The following DYSF variants were observed in gnomAD, a reference collection of about 807,000 sequenced individuals.
DYSF encodes the protein dystrophy-associated fer-1-like 1.
Under a neutral mutation model 274.9 loss-of-function variants are expected in DYSF, and 212 were observed. That is an observed-to-expected ratio of 0.77 (90% CI 0.69 to 0.86). DYSF has a LOEUF of 0.86. Among genes scored for constraint, DYSF ranks in the 40% least tolerant of loss-of-function variants. The probability of loss-of-function intolerance (pLI) is 0.00; values close to 1 mark genes in which losing one functional copy is unlikely to be tolerated. For missense variants in DYSF, 2,666 were observed against 2,783.2 expected (o/e 0.96, Z 0.95); for synonymous variants, 1,091 against 1,078.7 (o/e 1.01, Z -0.22).
Position 71,476,544 on chromosome 2 carries a change from G to GAA in DYSF, c.92-4327_92-4326dup, listed in dbSNP as rs60358010. 1.1e-3 allele frequency among the ~76,000 whole-genome samples: 139 copies of GAA among 130,654 alleles called. 1 individual carries two copies. Among genetic ancestry groups the GAA allele is most frequent in the African/African-American group, 3.6e-3 (132 of 36,488 alleles). 85.7% of individuals were successfully genotyped at this position (130,654 alleles called of 152,430 possible). ...TGACTGGAGTGAGACTCCATCTCAA[G>GAA]AAAAAAAAAAAAAGGCCTTGGCACT... On this transcript the variant is annotated intron_variant, in intron 1 of 55. Transcript: ENST00000410020.
chr2:71,565,266 A>ATTTTTTTTTTTTTTTTTT (rs1236133814), intron 24 of DYSF, among the ~76,000 whole-genome samples: 19 of 113,848 alleles, frequency 1.7e-4, no homozygotes, highest in African/African-American at 6.4e-4. Flanking sequence ...TTTTTTTTTA[A>ATTTTTTTTTTTTTTTTTT]TTTTAGTGGA....
chr2:71,675,555 C>G (rs1000419335), intron 52 of DYSF, among the ~76,000 whole-genome samples: 3 of 152,176 alleles, frequency 2.0e-5, no homozygotes, highest in African/African-American at 7.2e-5. Flanking sequence ...TGACTGTTCC[C>G]CCGCCCTGCG....
chr2:71,461,020 T>G (rs2081263409), intron 1 of DYSF, among the ~76,000 whole-genome samples: 1 of 151,800 alleles, frequency 6.6e-6, no homozygotes, highest in Admixed American at 6.6e-5. Flanking sequence ...TACTATCCCC[T>G]TTGAGAACCA....
chr2:71,558,560 C>A (rs1321868660), intron 22 of DYSF, among the ~76,000 whole-genome samples: 1 of 152,216 alleles, frequency 6.6e-6, no homozygotes, highest in Non-Finnish European at 1.5e-5. Context: ...GCACATGACC[C>A]CCGTGTTGTT....
intron 3 of DYSF, among the ~76,000 whole-genome samples, chr2:71,495,286 G>A (rs1193440379): frequency 6.6e-6 from 1 of 152,158 alleles, no homozygotes. Context: ...TTACAGATGA[G>A]GAAACAGTCT....
intron 13 of DYSF, 72 bp downstream of exon 13, chr2:71,526,418 T>TTTGGGGGGGGGG: frequency 7.6e-6 from 2 of 261,506 alleles, no homozygotes; most frequent in Non-Finnish European, 1.4e-5. Context: ...GGGTGGGCGA[T>TTTGGGGGGGGGG]GGCGGGCGGG....
intron 40 of DYSF, among the ~76,000 whole-genome samples, chr2:71,618,040 G>A (rs1558637108): frequency 3.8e-5 from 1 of 26,258 alleles, no homozygotes; most frequent in Non-Finnish European, 7.7e-5. Context: ...GGTAGAGATG[G>A]TGTGTGTGTG....
chr2:71,662,872 ATG>A (rs140692553), intron 45 of DYSF, among the ~76,000 whole-genome samples: 178 of 50,238 alleles, frequency 3.5e-3, no homozygotes, highest in Admixed American at 0.01. Context: ...GTGTCCATGT[ATG>A]TGTGTGTGTG....
At chr2:71,520,139 G>T in intron 10 of DYSF, 39 bp from the exon 11 acceptor site, 1 of 1,613,798 alleles carries the variant, frequency 6.2e-7, no homozygotes, top group Non-Finnish European at 8.5e-7. Flanking sequence ...ACGCTTTGGC[G>T]GCAAGAGTTT....
chr2:71,567,926 G>A (rs1379882866), intron 24 of DYSF, 25 bp from the exon 25 acceptor site: 5 of 1,613,520 alleles, frequency 3.1e-6, no homozygotes, highest in Non-Finnish European at 4.2e-6. Flanking sequence ...GGGACTGTGG[G>A]TTTCTGTCCT....
At chr2:71,648,161 T>C (rs746669886) in intron 42 of DYSF, among the ~76,000 whole-genome samples, 13 of 152,202 alleles carry the variant, frequency 8.5e-5, no homozygotes, top group African/African-American at 1.7e-4. Flanking sequence ...GAAGAGGACA[T>C]ATACCTACTT....
intron 38 of DYSF, 110 bp downstream of exon 38, chr2:71,611,736 G>C (rs2093767306): frequency 7.3e-7 from 1 of 1,366,698 alleles, no homozygotes; most frequent in South Asian, 1.2e-5. Flanking sequence ...ATCCAGGGTA[G>C]GACCCCTCAC....
At chr2:71,643,149 G>A (rs1381617057) in intron 41 of DYSF, among the ~76,000 whole-genome samples, 1 of 152,108 alleles carries the variant, frequency 6.6e-6, no homozygotes, top group African/African-American at 2.4e-5. Flanking sequence ...GCCGAGACAG[G>A]ACACAGCTGA....
At chr2:71,630,320 A>C (rs2094292361) in intron 41 of DYSF, among the ~76,000 whole-genome samples, 1 of 152,192 alleles carries the variant, frequency 6.6e-6, no homozygotes, top group Admixed American at 6.5e-5. Flanking sequence ...TGAAGAGTTT[A>C]TTTCCTATGT....
At chr2:71,589,889 CA>C (rs2093204363) in intron 31 of DYSF, among the ~76,000 whole-genome samples, 1 of 152,132 alleles carries the variant, frequency 6.6e-6, no homozygotes, top group Non-Finnish European at 1.5e-5. Context: ...GTGGTGTGTC[CA>C]CCCACTCAAA....
intron 36 of DYSF, among the ~76,000 whole-genome samples, chr2:71,609,260 C>T (rs1006213357): frequency 6.6e-6 from 1 of 152,210 alleles, no homozygotes; most frequent in Non-Finnish European, 1.5e-5. Context: ...CTGTCCATCA[C>T]CCCTGCTTAT....
intron 52 of DYSF, among the ~76,000 whole-genome samples, chr2:71,678,283 G>T (rs1241134047): frequency 6.6e-6 from 1 of 152,064 alleles, no homozygotes; most frequent in African/African-American, 2.4e-5. Flanking sequence ...TCAAATTTCA[G>T]ATTTTCAGAT....
chr2:71,511,281 G>T (rs1171663717), intron 4 of DYSF, among the ~76,000 whole-genome samples: 3 of 152,380 alleles, frequency 2.0e-5, no homozygotes, highest in African/African-American at 7.2e-5. Context: ...GACCCTCTCA[G>T]TGCTAGCTGC....
At chr2:71,552,418 C>T (rs182612635) in intron 19 of DYSF, among the ~76,000 whole-genome samples, 2 of 152,350 alleles carry the variant, frequency 1.3e-5, no homozygotes, top group East Asian at 1.9e-4. Context: ...GCTGTTGCTA[C>T]TATTTACATT....
Sources: allele counts gnomAD v4.1 joint callset (sites outside exome capture counted in the v4.1 genomes callset), GRCh38; gene constraint gnomAD v4.1.1; transcripts MANE v1.5; gene names NCBI Gene and HGNC (gene_info 2026-07-23, HGNC 2026-07-21).